The following GRM1 variants were observed in gnomAD, a reference collection of about 807,000 sequenced individuals.
GRM1 encodes metabotropic glutamate receptor 1.
In GRM1, 33 loss-of-function variants were observed where a neutral mutation model predicts 90.9. The ratio of observed to expected loss-of-function variants is 0.36; its 90% CI spans 0.28 to 0.49. The LOEUF is 0.49. Among genes scored for constraint, GRM1 ranks in the 20% least tolerant of loss-of-function variants. The probability of loss-of-function intolerance (pLI) is 0.99; values close to 1 mark genes in which losing one functional copy is unlikely to be tolerated. For missense variants in GRM1, 1,190 were observed against 1,534.3 expected, an observed-to-expected ratio of 0.78 and a Z score of 3.75; for synonymous variants, 700 against 613.2, an observed-to-expected ratio of 1.14 and a Z score of -2.09.
chr6:146,187,223 G>A (rs1203720063), intron 2 of GRM1, among the ~76,000 whole-genome samples: 1 of 152,084 alleles, frequency 6.6e-6, no homozygotes, highest in African/African-American at 2.4e-5. Flanking sequence ...TTATTCAAAT[G>A]TCTGTAGGGC....
intron 2 of GRM1, among the ~76,000 whole-genome samples, chr6:146,255,795 C>T (rs758111263): frequency 5.3e-5 from 8 of 152,240 alleles, no homozygotes; most frequent in South Asian, 2.1e-4. Flanking sequence ...TTTCTTCACA[C>T]GCTACATTTT....
chr6:146,072,989 G>A (rs1205638898), intron 1 of GRM1, among the ~76,000 whole-genome samples: 2 of 152,048 alleles, frequency 1.3e-5, no homozygotes, highest in Non-Finnish European at 1.5e-5. Context: ...ACCTGAATAT[G>A]TATACTCAGA....
intron 1 of GRM1, among the ~76,000 whole-genome samples, chr6:146,106,605 TA>T (rs1225831869): frequency 1.4e-4 from 22 of 152,340 alleles, no homozygotes; most frequent in Admixed American, 5.2e-4. Context: ...GATTTTGTTA[TA>T]AGGGGCTACA....
At chr6:146,068,599 GAAT>G (rs760760537) in intron 1 of GRM1, among the ~76,000 whole-genome samples, 3 of 152,172 alleles carry the variant, frequency 2.0e-5, no homozygotes, top group Non-Finnish European at 2.9e-5. Flanking sequence ...CTAATCTACA[GAAT>G]GAATAATCAG....
At chr6:146,146,000 C>G (rs1269568678) in intron 1 of GRM1, among the ~76,000 whole-genome samples, 2 of 150,164 alleles carry the variant, frequency 1.3e-5, no homozygotes, top group African/African-American at 4.9e-5. Flanking sequence ...AACGTCTGCT[C>G]TCTTGGGTTT....
intron 7 of GRM1, among the ~76,000 whole-genome samples, chr6:146,405,413 A>T (rs1188409574): frequency 6.6e-6 from 1 of 152,230 alleles, no homozygotes; most frequent in African/African-American, 2.4e-5. Flanking sequence ...GGGAAATAAA[A>T]GGATGCAATA....
chr6:146,176,453 G>C (rs898693641), intron 2 of GRM1, among the ~76,000 whole-genome samples: 1 of 151,946 alleles, frequency 6.6e-6, no homozygotes, highest in African/African-American at 2.4e-5. Flanking sequence ...AGCTTCTCTG[G>C]TCAATTGAGG....
At chr6:146,327,022 C>G (rs1337103424) in intron 3 of GRM1, among the ~76,000 whole-genome samples, 2 of 152,122 alleles carry the variant, frequency 1.3e-5, no homozygotes, top group African/African-American at 4.8e-5. Flanking sequence ...TTTCTATATA[C>G]TCCACAATCA....
chr6:146,069,390 T>G (rs1775955069), intron 1 of GRM1, among the ~76,000 whole-genome samples: 1 of 152,222 alleles, frequency 6.6e-6, no homozygotes, highest in Non-Finnish European at 1.5e-5. Flanking sequence ...AAAGTAACTT[T>G]TATATGTTAA....
intron 7 of GRM1, among the ~76,000 whole-genome samples, chr6:146,424,585 A>G (rs908801977): frequency 1.3e-5 from 2 of 152,238 alleles, no homozygotes; most frequent in Non-Finnish European, 2.9e-5. Context: ...GAATTTCAAG[A>G]GGATGATTAC....
At chr6:146,086,499 G>A (rs1195747851) in intron 1 of GRM1, among the ~76,000 whole-genome samples, 1 of 152,128 alleles carries the variant, frequency 6.6e-6, no homozygotes, top group African/African-American at 2.4e-5. Context: ...TTGGAGAGGA[G>A]TGAAAGAGGG....
chr6:146,079,060 G>C (rs770892553), intron 1 of GRM1, among the ~76,000 whole-genome samples: 1 of 152,176 alleles, frequency 6.6e-6, no homozygotes, highest in Non-Finnish European at 1.5e-5. Flanking sequence ...GAGGGGCCAG[G>C]CTCCTCCTCC....
At chr6:146,231,884 AATACCTTTGTCT>A (rs1780462462) in intron 2 of GRM1, among the ~76,000 whole-genome samples, 1 of 150,946 alleles carries the variant, frequency 6.6e-6, no homozygotes, top group Non-Finnish European at 1.5e-5. Flanking sequence ...GTTTTCTTGT[AATACCTTTGTCT>A]ATTTTTTCTG....
intron 5 of GRM1, among the ~76,000 whole-genome samples, chr6:146,364,510 T>C (rs953496149): frequency 1.3e-5 from 2 of 152,240 alleles, no homozygotes; most frequent in African/African-American, 4.8e-5. Context: ...TTCCTTTTTC[T>C]TTAACTATTT....
At chr6:146,303,201 GAT>G (rs1288689050) in intron 2 of GRM1, among the ~76,000 whole-genome samples, 2 of 152,136 alleles carry the variant, frequency 1.3e-5, no homozygotes, top group Non-Finnish European at 2.9e-5. Context: ...CCAAGGGTGA[GAT>G]ATGGTCACTA....
At chr6:146,354,276 G>C (rs376349552) in intron 4 of GRM1, among the ~76,000 whole-genome samples, 12 of 152,182 alleles carry the variant, frequency 7.9e-5, no homozygotes, top group African/African-American at 2.7e-4. Context: ...TGAGTCTGAG[G>C]TTCAGAACAT....
intron 7 of GRM1, 51 bp from the exon 8 acceptor site, chr6:146,433,821 C>A: frequency 7.9e-7 from 1 of 1,265,598 alleles, no homozygotes; most frequent in Non-Finnish European, 1.2e-6. Context: ...TGTATTTTAT[C>A]CTGTGTGCAT....
At chr6:146,183,620 T>C (rs528414675) in intron 2 of GRM1, among the ~76,000 whole-genome samples, 13 of 152,140 alleles carry the variant, frequency 8.5e-5, no homozygotes, top group Non-Finnish European at 1.2e-4. Context: ...GAATAGATGA[T>C]CTCTATGTTC....
At chr6:146,155,303 C>T (rs1328438753) in intron 1 of GRM1, among the ~76,000 whole-genome samples, 1 of 152,128 alleles carries the variant, frequency 6.6e-6, no homozygotes, top group African/African-American at 2.4e-5. Context: ...TTTAGATACA[C>T]AAATACTTAC....
Sources: gnomAD v4.1 joint callset for allele counts (sites outside exome capture counted in the v4.1 genomes callset) on GRCh38, gnomAD v4.1.1 for gene constraint, MANE v1.5 for transcripts, NCBI Gene and HGNC (gene_info 2026-07-23, HGNC 2026-07-21) for gene names.